Variants in SLC24A2 observed in about 807,000 individuals in gnomAD.
The protein encoded by SLC24A2 is solute carrier family 24 member 2.
SLC24A2 carries 36 observed loss-of-function variants against 62.0 expected under a neutral mutation model. That is an observed-to-expected ratio of 0.58 (90% CI 0.44 to 0.77). The LOEUF is 0.77. Ranked by LOEUF, SLC24A2 falls within the 30% of genes least tolerant of loss-of-function variation. The pLI, the probability that SLC24A2 is intolerant of heterozygous loss-of-function variation, is 0.00. For synonymous variants in SLC24A2, 358 were observed against 294.0 expected, an observed-to-expected ratio of 1.22 and a Z score of -2.23; for missense variants, 846 against 817.9, an observed-to-expected ratio of 1.03 and a Z score of -0.42.
chr9:19,545,230 G>T (rs1227845553), intron 8 of SLC24A2, among the ~76,000 whole-genome samples: 2 of 151,574 alleles, frequency 1.3e-5, no homozygotes, highest in African/African-American at 2.4e-5. Context: ...GCTATTTATA[G>T]TTGTGTATGC....
the SLC24A2 span, among the ~76,000 whole-genome samples, chr9:20,264,537 C>G: frequency 0.047 from 7,161 of 152,264 alleles, 255 homozygotes; most frequent in South Asian, 0.11. Context: ...GGTGAAGTAT[C>G]AAACACAATT....
chr9:20,112,913 G>A, the SLC24A2 span, among the ~76,000 whole-genome samples: 2 of 151,796 alleles, frequency 1.3e-5, no homozygotes, highest in East Asian at 1.9e-4. Flanking sequence ...ATCTCTGAAC[G>A]TCAGACTAAC....
intron 9 of SLC24A2, among the ~76,000 whole-genome samples, chr9:19,522,379 A>G (rs1029683004): frequency 6.6e-6 from 1 of 152,162 alleles, no homozygotes; most frequent in Non-Finnish European, 1.5e-5. Flanking sequence ...AATGCTTTCC[A>G]TCTGGTTTCC....
At chr9:20,016,098 T>G in the SLC24A2 span, among the ~76,000 whole-genome samples, 1 of 152,252 alleles carries the variant, frequency 6.6e-6, no homozygotes, top group Non-Finnish European at 1.5e-5. Context: ...CCAGTGCTTT[T>G]TGAACTATAA....
chr9:19,840,769 G>A, the SLC24A2 span, among the ~76,000 whole-genome samples: 1 of 152,070 alleles, frequency 6.6e-6, no homozygotes, highest in African/African-American at 2.4e-5. Flanking sequence ...GTACCCTTGA[G>A]CTCCCTTCCC....
the SLC24A2 span, among the ~76,000 whole-genome samples, chr9:20,001,698 C>T: frequency 5.3e-5 from 8 of 152,212 alleles, no homozygotes; most frequent in African/African-American, 1.7e-4. Context: ...ATCTTCCTAC[C>T]GAGTCTTTAA....
the SLC24A2 span, among the ~76,000 whole-genome samples, chr9:20,260,710 A>G: frequency 6.6e-6 from 1 of 152,038 alleles, no homozygotes; most frequent in East Asian, 1.9e-4. Context: ...TACATGAATA[A>G]GTTCTTTAGC....
At chr9:19,725,297 T>C (rs1821139413) in intron 2 of SLC24A2, among the ~76,000 whole-genome samples, 1 of 152,112 alleles carries the variant, frequency 6.6e-6, no homozygotes, top group African/African-American at 2.4e-5. Context: ...TGGTAAGTGG[T>C]TAATTTTATA....
the SLC24A2 span, among the ~76,000 whole-genome samples, chr9:20,088,882 A>G: frequency 1.3e-5 from 2 of 152,178 alleles, no homozygotes; most frequent in African/African-American, 2.4e-5. Context: ...GCTGTTTCAC[A>G]GCCTTCACTG....
chr9:20,215,188 T>G, the SLC24A2 span, among the ~76,000 whole-genome samples: 1 of 152,212 alleles, frequency 6.6e-6, no homozygotes, highest in Non-Finnish European at 1.5e-5. Flanking sequence ...TGGAAGGGGA[T>G]AGCTAGCTCT....
the SLC24A2 span, among the ~76,000 whole-genome samples, chr9:20,159,889 G>A: frequency 6.6e-6 from 1 of 151,510 alleles, no homozygotes; most frequent in African/African-American, 2.4e-5. Context: ...AATAAGCACA[G>A]TAGATATAGC....
chr9:20,238,154 A>G, the SLC24A2 span, among the ~76,000 whole-genome samples: 15,583 of 152,224 alleles, frequency 0.1, 1,028 homozygotes, highest in Middle Eastern at 0.17. Context: ...ATTCAACTAC[A>G]TTTATGAGGC....
At chr9:20,246,178 A>G in the SLC24A2 span, among the ~76,000 whole-genome samples, 13 of 152,370 alleles carry the variant, frequency 8.5e-5, no homozygotes, top group African/African-American at 3.1e-4. Flanking sequence ...CACTCATTCA[A>G]CAAATATTAT....
chr9:20,086,044 T>A, the SLC24A2 span, among the ~76,000 whole-genome samples: 45 of 152,324 alleles, frequency 3.0e-4, no homozygotes, highest in African/African-American at 1.0e-3. Context: ...TCCCATGTCC[T>A]CCTTCATCAG....
intron 8 of SLC24A2, among the ~76,000 whole-genome samples, chr9:19,547,205 A>T (rs1488794685): frequency 1.3e-5 from 2 of 152,316 alleles, no homozygotes; most frequent in African/African-American, 4.8e-5. Context: ...TAAGAGTCTT[A>T]TTTCTGCTTG....
At chr9:19,969,308 A>C in the SLC24A2 span, among the ~76,000 whole-genome samples, 1 of 151,522 alleles carries the variant, frequency 6.6e-6, no homozygotes, top group African/African-American at 2.4e-5. Flanking sequence ...TCCCTCCCCC[A>C]AAACCTAAAC....
chr9:19,757,490 T>C (rs773534499), intron 2 of SLC24A2, among the ~76,000 whole-genome samples: 3 of 152,232 alleles, frequency 2.0e-5, no homozygotes, highest in Non-Finnish European at 4.4e-5. Flanking sequence ...TCTAGAAGGC[T>C]ATTTTTTTCT....
the SLC24A2 span, among the ~76,000 whole-genome samples, chr9:19,846,472 C>T: frequency 3.3e-5 from 5 of 152,118 alleles, no homozygotes; most frequent in African/African-American, 4.8e-5. Flanking sequence ...TACCCTGATC[C>T]TATGGGTGTA....
At chr9:20,099,978 C>G in the SLC24A2 span, among the ~76,000 whole-genome samples, 6 of 152,024 alleles carry the variant, frequency 3.9e-5, no homozygotes, top group Non-Finnish European at 8.8e-5. Context: ...TTTTATTACT[C>G]TCTCTTATTA....
Sources: gnomAD v4.1 joint callset for allele counts (sites outside exome capture counted in the v4.1 genomes callset) on GRCh38, gnomAD v4.1.1 for gene constraint, MANE v1.5 for transcripts, NCBI Gene and HGNC (gene_info 2026-07-23, HGNC 2026-07-21) for gene names.